NAPEPLD: variants seen among roughly 807,000 people sequenced by gnomAD.
NAPEPLD encodes the protein N-acyl-phosphatidylethanolamine-hydrolyzing phospholipase D.
Under a neutral mutation model 38.1 loss-of-function variants are expected in NAPEPLD, and 23 were observed. The ratio of observed to expected loss-of-function variants is 0.60; its 90% CI spans 0.43 to 0.86. The LOEUF is 0.86. Ranked by LOEUF, NAPEPLD falls within the 40% of genes least tolerant of loss-of-function variation. The pLI, the probability that NAPEPLD is intolerant of heterozygous loss-of-function variation, is 0.00. For synonymous variants in NAPEPLD, 147 were observed against 162.0 expected, an observed-to-expected ratio of 0.91 and a Z score of 0.71; for missense variants, 411 against 476.8, an observed-to-expected ratio of 0.86 and a Z score of 1.28.
intron 3 of NAPEPLD, among the ~76,000 whole-genome samples, chr7:103,118,206 G>A (rs931469928): frequency 1.3e-5 from 2 of 152,116 alleles, no homozygotes; most frequent in Non-Finnish European, 2.9e-5. Flanking sequence ...AACCAAAAAA[G>A]GAACATACAT....
At chr7:103,113,750 G>A (rs748787436) in intron 4 of NAPEPLD, among the ~76,000 whole-genome samples, 3 of 148,988 alleles carry the variant, frequency 2.0e-5, no homozygotes, top group Middle Eastern at 3.2e-3. Context: ...CCTGCCTCAG[G>A]CTCCCGAGTA....
At chr7:103,115,925 G>A (rs762022740) in intron 3 of NAPEPLD, among the ~76,000 whole-genome samples, 10 of 152,214 alleles carry the variant, frequency 6.6e-5, no homozygotes, top group Non-Finnish European at 1.2e-4. Flanking sequence ...GAAAGGGGCA[G>A]TAACTTCTAG....
intron 1 of NAPEPLD, among the ~76,000 whole-genome samples, chr7:103,139,356 T>C (rs926872536): frequency 6.6e-6 from 1 of 152,210 alleles, no homozygotes; most frequent in African/African-American, 2.4e-5. Flanking sequence ...AGAAACCATA[T>C]AGATTTTGGC....
intron 4 of NAPEPLD, among the ~76,000 whole-genome samples, chr7:103,110,440 C>G (rs1804285581): frequency 1.3e-5 from 2 of 152,296 alleles, no homozygotes; most frequent in Non-Finnish European, 2.9e-5. Flanking sequence ...ATACGCAACT[C>G]AATAAATGTA....
At chr7:103,116,101 G>A (rs1226439899) in intron 3 of NAPEPLD, among the ~76,000 whole-genome samples, 2 of 150,968 alleles carry the variant, frequency 1.3e-5, no homozygotes, top group African/African-American at 4.9e-5. Context: ...TCACTCTGTC[G>A]CCCAGGCTAG....
chr7:103,114,768 T>A (rs1162167745), intron 4 of NAPEPLD, among the ~76,000 whole-genome samples: 1 of 152,224 alleles, frequency 6.6e-6, no homozygotes, highest in African/African-American at 2.4e-5. Context: ...GGCTTGCTTT[T>A]CTAGTCTCCA....
intron 1 of NAPEPLD, among the ~76,000 whole-genome samples, chr7:103,132,974 A>T (rs1377714951): frequency 1.3e-5 from 2 of 152,214 alleles, no homozygotes. Flanking sequence ...CCAAATAGCC[A>T]TCCTCTCCTA....
At chr7:103,137,052 G>A in intron 1 of NAPEPLD, among the ~76,000 whole-genome samples, 1 of 152,134 alleles carries the variant, frequency 6.6e-6, no homozygotes, top group East Asian at 1.9e-4. Flanking sequence ...TGATTCTCCT[G>A]CCTCAGCCTC....
chr7:103,108,925 A>C (rs1290695168), intron 4 of NAPEPLD, among the ~76,000 whole-genome samples: 3 of 152,194 alleles, frequency 2.0e-5, no homozygotes, highest in Non-Finnish European at 2.9e-5. Context: ...AGCAAAAAAA[A>C]GCAGGGGTTG....
Position 103,128,810 on chromosome 7 carries a change from G to GA in NAPEPLD, c.-16-19dup. ...GTGAAGAACTAAAAAAAACAAGGGGGAAAAATACTGAGTTGAACATAAAGG... is the reference window on the plus strand; with the variant it reads ...GTGAAGAACTAAAAAAAACAAGGGGGAAAAAATACTGAGTTGAACATAAAGG... On this transcript the variant is annotated intron_variant, in intron 1 of 4. Transcript: ENST00000465647. 1.3e-6 allele frequency: 2 copies of GA among 1,588,198 alleles called. No individual in the cohort carries two copies. Among genetic ancestry groups the GA allele is most frequent in the Non-Finnish European group, 1.7e-6 (2 of 1,170,948 alleles).
chr7:103,100,907 A>T lies in NAPEPLD; in HGVS notation c.*2522T>A, dbSNP rs1802304111. 2 of 152,218 alleles carry T rather than the reference A, an allele frequency of 1.3e-5. No individual in the cohort carries two copies. The highest frequency in any genetic ancestry group is 1.3e-4 in the Admixed American group (2 of 15,274). 9.4% of individuals were successfully genotyped at this position (152,218 alleles called of 1,614,324 possible). On this transcript the variant is annotated 3_prime_UTR_variant, in exon 5 of 5. Transcript: ENST00000465647. ...GTAGAAAGAACATGAGTGGTAATAA[A>T]AAATTACAGCTTACAAAAGGGCCTA...
chr7:103,125,362 A>G (rs549601128), intron 2 of NAPEPLD, among the ~76,000 whole-genome samples: 1 of 152,354 alleles, frequency 6.6e-6, no homozygotes, highest in South Asian at 2.1e-4. Flanking sequence ...TGATTATAAG[A>G]GAAAATGCTC....
At chr7:103,149,232 G>T, upstream of NAPEPLD, 1 of 996,472 alleles carries the variant, frequency 1.0e-6, no homozygotes, top group South Asian at 4.4e-5. Context: ...CGGGCCGCGG[G>T]CGCGCGGCCA....
chr7:103,137,831 A>G (rs79025972), intron 1 of NAPEPLD, among the ~76,000 whole-genome samples: 50 of 150,756 alleles, frequency 3.3e-4, no homozygotes, highest in African/African-American at 1.1e-3. Flanking sequence ...AAAAAAAAAA[A>G]AAAAAGAAAA....
chr7:103,109,743 T>A (rs11764956), intron 4 of NAPEPLD, among the ~76,000 whole-genome samples: 133,114 of 151,934 alleles, frequency 0.88, 60,998 homozygotes, highest in East Asian at 1. Context: ...ATAACTAAGA[T>A]CAGAGCAGAA....
chr7:103,125,918 AAT>A (rs1491031598), intron 2 of NAPEPLD, among the ~76,000 whole-genome samples: 14 of 131,620 alleles, frequency 1.1e-4, no homozygotes, highest in Admixed American at 1.5e-4. Flanking sequence ...TAATAATAAT[AAT>A]AAATAAAAAT....
At chr7:103,135,141 A>G (rs1265845402) in intron 1 of NAPEPLD, among the ~76,000 whole-genome samples, 1 of 152,256 alleles carries the variant, frequency 6.6e-6, no homozygotes, top group Non-Finnish European at 1.5e-5. Context: ...CTTGTCCATT[A>G]CGTAACAACA....
At chr7:103,105,631 A>C (rs11487077) in intron 4 of NAPEPLD, among the ~76,000 whole-genome samples, 9,856 of 152,250 alleles carry the variant, frequency 0.065, 356 homozygotes, top group Middle Eastern at 0.12. Flanking sequence ...CATATATGCA[A>C]AGAGTGTTAA....
rs537478822 is a variant in NAPEPLD, at chr7:103,114,002, G to A, written c.1056+1058C>T. Among the ~76,000 whole-genome samples, 4 of 147,516 alleles carry A rather than the reference G, an allele frequency of 2.7e-5. No individual in the cohort carries two copies. In the East Asian group the frequency reaches 8.1e-4, roughly 30 times the overall value. ...CAACCTCTACTTCCTGGGTTCAGGC[G>A]ATTCTCCTGCCTCAGCCTCCCGAGT... On this transcript the variant is annotated intron_variant, in intron 4 of 4. Coordinates refer to ENST00000465647, the MANE Select transcript of NAPEPLD (RefSeq NM_001122838.3).
Sources: gnomAD v4.1 joint callset for allele counts (sites outside exome capture counted in the v4.1 genomes callset) on GRCh38, gnomAD v4.1.1 for gene constraint, MANE v1.5 for transcripts, NCBI Gene and HGNC (gene_info 2026-07-23, HGNC 2026-07-21) for gene names.